The following KCNE2 variants were observed in gnomAD, a reference collection of about 807,000 sequenced individuals.
KCNE2 encodes the protein potassium voltage-gated channel subfamily E member 2.
Under a neutral mutation model 4.5 loss-of-function variants are expected in KCNE2, and 4 were observed. That is an observed-to-expected ratio of 0.89 (90% CI 0.44 to 2.03). The LOEUF is 2.03. Among genes scored for constraint, KCNE2 ranks in the 30% most tolerant of loss-of-function variants. The pLI, the probability that KCNE2 is intolerant of heterozygous loss-of-function variation, is 0.03. For synonymous variants in KCNE2, 57 were observed against 55.9 expected, an observed-to-expected ratio of 1.02 and a Z score of -0.09; for missense variants, 137 against 151.4, an observed-to-expected ratio of 0.90 and a Z score of 0.50.
In KCNE2 at chr21:34,370,818, A is replaced by G. The variant is rs1197914778; in HGVS notation, c.340A>G (p.Ile114Val). 5 of 1,614,182 alleles carry G rather than the reference A, an allele frequency of 3.1e-6. No individual in the cohort carries two copies. Among genetic ancestry groups the G allele is most frequent in the Non-Finnish European group, 4.2e-6 (5 of 1,180,034 alleles). The change falls in exon 2 of 2, where the codon ATT becomes GTT. Residue 114 changes from isoleucine (I) to valine (V), a missense_variant. By Grantham distance (29) the Ile-to-Val change is conservative (BLOSUM62 3). Coordinates refer to ENST00000290310, the MANE Select transcript of KCNE2 (RefSeq NM_172201.2). ...ATCGAAGGCCACCATCCATGAGAAC[A>G]TTGGTGCGGCTGGGTTCAAAATGTC... Reference protein sequence around the residue: ...EESKATIHENIGAAGFKMSP With the variant: ...EESKATIHENVGAAGFKMSP
intron 1 of KCNE2, among the ~76,000 whole-genome samples, chr21:34,365,245 G>C (rs578049162): frequency 6.6e-6 from 1 of 152,286 alleles, no homozygotes; most frequent in African/African-American, 2.4e-5. Context: ...AGCATTCACT[G>C]GAAATGTAGG....
intron 1 of KCNE2, among the ~76,000 whole-genome samples, chr21:34,368,229 A>ACACACACTATATATATAT (rs781775671): frequency 1.2e-5 from 1 of 84,810 alleles, no homozygotes; most frequent in African/African-American, 6.0e-5. Context: ...ACACACACAC[A>ACACACACTATATATATAT]ATATATATAT....
chr21:34,366,184 G>A (rs1979283841), intron 1 of KCNE2, among the ~76,000 whole-genome samples: 2 of 152,160 alleles, frequency 1.3e-5, no homozygotes, highest in Non-Finnish European at 2.9e-5. Flanking sequence ...GTGGAATTCA[G>A]CACTGAAGTC....
intron 1 of KCNE2, among the ~76,000 whole-genome samples, chr21:34,368,229 A>ACACACACT (rs781775671): frequency 2.5e-4 from 21 of 84,768 alleles, no homozygotes; most frequent in African/African-American, 1.1e-3. Flanking sequence ...ACACACACAC[A>ACACACACT]ATATATATAT....
intron 1 of KCNE2, among the ~76,000 whole-genome samples, chr21:34,368,032 C>T (rs982734858): frequency 6.6e-6 from 1 of 151,904 alleles, no homozygotes; most frequent in Non-Finnish European, 1.5e-5. Flanking sequence ...CACAGAGTTC[C>T]TGTCACCTCT....
chr21:34,368,199 A>T (rs1033537850), intron 1 of KCNE2, among the ~76,000 whole-genome samples: 2 of 83,880 alleles, frequency 2.4e-5, no homozygotes, highest in Admixed American at 1.5e-4. Context: ...ACCAATAATC[A>T]CACACACACA....
rs142153692 is a variant in KCNE2, at chr21:34,370,518, G to C, written c.40G>C (p.Val14Leu). ...CAATTTCACACAGACGCTGGAAGACGTCTTCCGAAGGATTTTTATTACTTA... is the reference window on the plus strand; with the variant it reads ...CAATTTCACACAGACGCTGGAAGACCTCTTCCGAAGGATTTTTATTACTTA... The part of the protein sequence containing the change: ...LSNFTQTLED[V>L]FRRIFITYMD... Residue 14 changes from valine to leucine, a missense_variant, in exon 2 of 2, where the codon GTC (valine) becomes CTC (leucine). Physicochemically the swap from Val to Leu is conservative, Grantham distance 32 (BLOSUM62 1). Coordinates refer to ENST00000290310, the MANE Select transcript of KCNE2 (RefSeq NM_172201.2). 6.2e-7 allele frequency: 1 copy of C among 1,614,166 alleles called. No homozygotes were observed. Among genetic ancestry groups the C allele is most frequent in the South Asian group, 1.1e-5 (1 of 91,086 alleles).
chr21:34,370,965 T>C lies in KCNE2; in HGVS notation c.*115T>C. On this transcript the variant is annotated 3_prime_UTR_variant, in exon 2 of 2. Coordinates refer to ENST00000290310, the MANE Select transcript of KCNE2 (RefSeq NM_172201.2). ...AAGAAAGTGAGTTCCTTGCTCTCTG[T>C]TGAGAATTTTCATGGAGATTATGTG... 1 of 1,326,304 alleles carries C rather than the reference T, an allele frequency of 7.5e-7. No homozygotes were observed. The highest frequency in any genetic ancestry group is 1.9e-5 in the Admixed American group (1 of 53,174). The allele number at this position is 1,326,304 out of a possible 1,614,324, so 82.2% of individuals were successfully genotyped here.
intron 1 of KCNE2, among the ~76,000 whole-genome samples, chr21:34,369,359 GGCC>G (rs1329980334): frequency 6.6e-6 from 1 of 152,184 alleles, no homozygotes; most frequent in Non-Finnish European, 1.5e-5. Flanking sequence ...AGACCAGCCT[GGCC>G]AATGTGTTGA....
intron 1 of KCNE2, among the ~76,000 whole-genome samples, chr21:34,367,219 G>C (rs1193181936): frequency 6.6e-6 from 1 of 150,844 alleles, no homozygotes; most frequent in African/African-American, 2.4e-5. Flanking sequence ...CCAGCACCTT[G>C]GGAGGCTGAA....
intron 1 of KCNE2, among the ~76,000 whole-genome samples, chr21:34,365,853 G>C (rs897911810): frequency 5.3e-5 from 8 of 152,240 alleles, no homozygotes; most frequent in Non-Finnish European, 8.8e-5. Flanking sequence ...CACACACTGT[G>C]ATTTGTTTTT....
At chr21:34,368,252 ATATATATATGTATGTTATATATATG>A (rs1466040738) in intron 1 of KCNE2, among the ~76,000 whole-genome samples, 14 of 105,418 alleles carry the variant, frequency 1.3e-4, no homozygotes, top group East Asian at 2.5e-4. Context: ...ATATATATAT[ATATATATATGTATGTTATATATATG>A]TATGTTATAT....
At chr21:34,368,246 A>ATGTATGT (rs370256911) in intron 1 of KCNE2, among the ~76,000 whole-genome samples, 2 of 104,712 alleles carry the variant, frequency 1.9e-5, no homozygotes, top group African/African-American at 8.7e-5. Flanking sequence ...ATATATATAT[A>ATGTATGT]TATATATATA....
At chr21:34,365,700 C>T (rs1979262079) in intron 1 of KCNE2, among the ~76,000 whole-genome samples, 1 of 152,252 alleles carries the variant, frequency 6.6e-6, no homozygotes, top group South Asian at 2.1e-4. Flanking sequence ...GCTGGGATTA[C>T]AGGTGTGAAC....
intron 1 of KCNE2, among the ~76,000 whole-genome samples, chr21:34,365,437 C>T (rs1330992726): frequency 2.6e-5 from 4 of 152,116 alleles, no homozygotes; most frequent in Admixed American, 6.6e-5. Context: ...TGGTTTGTTT[C>T]GATTTGATTT....
rs775034771 is a variant in KCNE2 at position 34,370,742 on chromosome 21, T to C, written c.264T>C (p.Ile88=). The part of the protein sequence containing the change: ...EHSNDPYHQY[I]VEDWQEKYKS... ...CCAATGACCCCTACCACCAGTACAT[T>C]GTAGAGGACTGGCAGGAAAAGTACA... Residue 88 remains isoleucine (I), a synonymous_variant, in exon 2 of 2, where the codon ATT becomes ATC. Coordinates refer to ENST00000290310, the MANE Select transcript of KCNE2 (RefSeq NM_172201.2). 3.1e-6 allele frequency: 5 copies of C among 1,614,166 alleles called. No individual in the cohort carries two copies. The highest frequency in any genetic ancestry group is 4.2e-6 in the Non-Finnish European group (5 of 1,180,018).
At chr21:34,366,359 C>A (rs891682131) in intron 1 of KCNE2, among the ~76,000 whole-genome samples, 2 of 152,034 alleles carry the variant, frequency 1.3e-5, no homozygotes, top group South Asian at 4.1e-4. Context: ...TCTTTAACAC[C>A]GCCCCTCCCC....
Position 34,366,795 on chromosome 21 carries a change from T to C in KCNE2, c.-13+2644T>C, listed in dbSNP as rs59908480. Among the ~76,000 whole-genome samples, 1,491 of 151,378 alleles carry C rather than the reference T, an allele frequency of 9.8e-3. 19 individuals carry two copies. The highest frequency in any genetic ancestry group is 0.027 in the African/African-American group (1,093 of 41,212). ...GAGATCGAGACCATCCTGGCTAACATGGTGAAACCCCGTCTGTACTAAAAA... is the reference window on the plus strand; with the variant it reads ...GAGATCGAGACCATCCTGGCTAACACGGTGAAACCCCGTCTGTACTAAAAA... On this transcript the variant is annotated intron_variant, in intron 1 of 1. Transcript: ENST00000290310.
At position 34,371,148 on chromosome 21, in the gene KCNE2, G is replaced by A. The variant is rs1472554045; in HGVS notation, c.*298G>A. 4.7e-6 allele frequency: 2 copies of A among 429,310 alleles called. No individual in the cohort carries two copies. The highest frequency in any genetic ancestry group is 8.9e-6 in the Non-Finnish European group (2 of 225,482). The allele number at this position is 429,310 out of a possible 1,614,324, so 26.6% of individuals were successfully genotyped here. A position where few individuals can be genotyped will look rare whatever the true frequency, so the allele number is the denominator to read the frequency against. ...AATAAAGCCAAATTTGAAGTAAAGTGTCTGGGCAGTGGCTGTGGGGATAGA... is the reference window on the plus strand; with the variant it reads ...AATAAAGCCAAATTTGAAGTAAAGTATCTGGGCAGTGGCTGTGGGGATAGA... On this transcript the variant is annotated 3_prime_UTR_variant, in exon 2 of 2. Transcript: ENST00000290310.
Sources: allele counts gnomAD v4.1 joint callset (sites outside exome capture counted in the v4.1 genomes callset), GRCh38; gene constraint gnomAD v4.1.1; transcripts MANE v1.5; gene names NCBI Gene and HGNC (gene_info 2026-07-23, HGNC 2026-07-21).